CUL7: variants seen among roughly 807,000 people sequenced by gnomAD.
The protein encoded by CUL7 is cullin-7.
CUL7 carries 96 observed loss-of-function variants against 177.7 expected under a neutral mutation model. That is an observed-to-expected ratio of 0.54 (90% CI 0.46 to 0.64). The LOEUF is 0.64. CUL7 is among the 30% of genes least tolerant of loss of function. CUL7 has a pLI of 0.00. For synonymous variants in CUL7, 824 were observed against 890.2 expected (o/e 0.93, Z 1.32); for missense variants, 1,893 against 2,187.9 (o/e 0.87, Z 2.69).
At chr6:43,046,786 G>T in intron 10 of CUL7, 94 bp downstream of exon 10, 2 of 1,225,398 alleles carry the variant, frequency 1.6e-6, no homozygotes, top group Non-Finnish European at 2.4e-6. Flanking sequence ...GTCACCTGCT[G>T]TTCCCAGCCA....
At position 43,040,659 on chromosome 6, in the gene CUL7, G is replaced by A; in HGVS notation, c.3894C>T (p.Asn1298=). 1 of 1,614,232 alleles carries A rather than the reference G, an allele frequency of 6.2e-7. No individual in the cohort carries two copies. ...VLEQIGPCFP[N]RLPQQMLQSL... ...TCTGCAACATCTGCTGGGGGAGGCG[G>A]TTGGGGAAGCAGGGACCGATCTGCT... The change falls in exon 21 of 26, where the codon AAC becomes AAT. Residue 1298 remains asparagine, a synonymous_variant. Coordinates refer to ENST00000265348, the MANE Select transcript of CUL7 (RefSeq NM_014780.5). The surrounding 1 kb of genome is among the most constrained non-coding windows in gnomAD (Gnocchi z 4.2).
intron 15 of CUL7, 115 bp from the exon 16 acceptor site, chr6:43,045,000 G>A: frequency 2.0e-6 from 3 of 1,492,438 alleles, no homozygotes; most frequent in Non-Finnish European, 2.7e-6. Context: ...AGGCCCCCTG[G>A]TACTTCAGAA....
chr6:43,046,584 G>T lies in CUL7; in HGVS notation c.2415C>A (p.Ile805=). ...GTTGGTGGGTTCGTCTGTGGTCTTC[G>T]ATCTGGCCCAGCACCATCTGCAGCC... ...GGCIQMVLGQ[I]EDHRRTHQPI... The change falls in exon 11 of 26, where the codon ATC becomes ATA. Residue 805 remains isoleucine, a synonymous_variant. Coordinates refer to ENST00000265348, the MANE Select transcript of CUL7 (RefSeq NM_014780.5). The T allele has an allele frequency of 6.2e-7, 1 of 1,614,108 alleles. No homozygotes were observed. The highest frequency in any genetic ancestry group is 8.5e-7 in the Non-Finnish European group (1 of 1,180,006).
chr6:43,039,489 G>A (rs1178749228), intron 22 of CUL7, among the ~76,000 whole-genome samples: 2 of 151,966 alleles, frequency 1.3e-5, no homozygotes, highest in Non-Finnish European at 1.5e-5. Context: ...GTGGCCTCAG[G>A]TGCCTCCTGC....
In CUL7 at chr6:43,052,666, A is replaced by ACGGAT; in HGVS notation, c.118_122dup (p.Trp42SerfsTer75). On this transcript the variant is annotated frameshift_variant, in exon 2 of 26. Transcript: ENST00000265348. LOFTEE classifies it high-confidence loss of function. This position sits in a 1 kb window ranked among gnomAD's most constrained non-coding sequence, Gnocchi z 4.5. ...CATCGCCACGCCGCAGGATGAGCCA[A>ACGGAT]CGGATCTGGTACTCAGGATGCCCAT... is the stretch of plus-strand genomic sequence containing the variant. 6.2e-7 allele frequency: 1 copy of ACGGAT among 1,614,198 alleles called. No homozygotes were observed. Among genetic ancestry groups the ACGGAT allele is most frequent in the Non-Finnish European group, 8.5e-7 (1 of 1,180,050 alleles).
chr6:43,044,595 C>A (rs1763729122), intron 16 of CUL7, among the ~76,000 whole-genome samples, 157 bp downstream of exon 16: 1 of 152,116 alleles, frequency 6.6e-6, no homozygotes, highest in Non-Finnish European at 1.5e-5. Flanking sequence ...GGAAAGGGGG[C>A]AGCCCCTGGG....
intron 22 of CUL7, among the ~76,000 whole-genome samples, chr6:43,039,463 C>T (rs990339687): frequency 6.6e-6 from 1 of 152,144 alleles, no homozygotes; most frequent in African/African-American, 2.4e-5. Context: ...AAGAGCCAGA[C>T]ACCTACTCAT....
Position 43,053,134 on chromosome 6 carries a change from A to T in CUL7, c.-8-338T>A, listed in dbSNP as rs1764574161. On this transcript the variant is annotated intron_variant, in intron 1 of 25. Transcript: ENST00000265348. This position sits in a 1 kb window ranked among gnomAD's most constrained non-coding sequence, Gnocchi z 4.1. ...TCCCAAGGCCTTGGAACAGGCAGCAACCTATGGGGTATGTGAAGCCCAGAG... is the reference window on the plus strand; with the variant it reads ...TCCCAAGGCCTTGGAACAGGCAGCATCCTATGGGGTATGTGAAGCCCAGAG... 6.6e-6 allele frequency among the ~76,000 whole-genome samples: 1 copy of T among 152,136 alleles called. No homozygotes were observed. Among genetic ancestry groups the T allele is most frequent in the South Asian group, 2.1e-4 (1 of 4,826 alleles).
intron 19 of CUL7, 123 bp downstream of exon 19, chr6:43,042,679 A>G (rs1763548513): frequency 1.4e-6 from 1 of 697,466 alleles, no homozygotes; most frequent in Non-Finnish European, 2.5e-6. Flanking sequence ...TTCTTATAAC[A>G]TGGCTATATA....
Position 43,053,789 on chromosome 6 carries a change from C to A in CUL7, c.-176G>T. 6.5e-7 allele frequency: 1 copy of A among 1,531,834 alleles called. No homozygotes were observed. The allele number at this position is 1,531,834 out of a possible 1,614,324, so 94.9% of individuals were successfully genotyped here. On this transcript the variant is annotated 5_prime_UTR_variant, in exon 1 of 26. Transcript: ENST00000265348. This position sits in a 1 kb window ranked among gnomAD's most constrained non-coding sequence, Gnocchi z 4.1. ...GGAACAGAGCTGCACCCGCGTGAGT[C>A]GGCAGCCACTGGGGCAGGGTGGGGC...
chr6:43,040,296 G>A lies in CUL7; in HGVS notation c.4154C>T (p.Ala1385Val), dbSNP rs769832190. ...GACAAGCACAGACACTTCTGGCATT[G>A]CCCCTTCATAGTAGAGGTCCTCATT... is the stretch of plus-strand genomic sequence containing the variant. ...EENEDLYYEGAMPEVSVLVLS... is the reference protein window; with the variant it reads ...EENEDLYYEGVMPEVSVLVLS... The change falls in exon 22 of 26, where the codon GCA (alanine) becomes GTA (valine). Residue 1385 changes from alanine (A) to valine (V), a missense_variant. Coordinates refer to ENST00000265348, the MANE Select transcript of CUL7 (RefSeq NM_014780.5). This position sits in a 1 kb window ranked among gnomAD's most constrained non-coding sequence, Gnocchi z 4.2. The A allele has an allele frequency of 6.2e-7, 1 of 1,614,082 alleles. No homozygotes were observed. Among genetic ancestry groups the A allele is most frequent in the South Asian group, 1.1e-5 (1 of 91,084 alleles).
rs1337773125 is a variant in CUL7 at position 43,045,132 on chromosome 6, C to G, written c.3038+95G>C. The G allele has an allele frequency of 6.7e-7, 1 of 1,492,314 alleles. No individual in the cohort carries two copies. The highest frequency in any genetic ancestry group is 9.1e-7 in the Non-Finnish European group (1 of 1,095,088). 92.4% of individuals were successfully genotyped at this position (1,492,314 alleles called of 1,614,324 possible). On this transcript the variant is annotated intron_variant, in intron 15 of 25. Transcript: ENST00000265348. This position sits in a 1 kb window ranked among gnomAD's most constrained non-coding sequence, Gnocchi z 4.8. ...CCCCCTCCCCACGCATATTAAACCT[C>G]CATCTCACAGCTTCTATGGACCCCT...
At position 43,048,378 on chromosome 6, in the gene CUL7, G is replaced by C. The variant is rs201528661; in HGVS notation, c.2017C>G (p.Leu673Val). ...PQPFLALMQS[L>V]DTPETNRTLH... is the part of the protein sequence containing the mutation. ...GTCCTGTTAGTCTCCGGAGTGTCCA[G>C]GCTCTGCATCAGTGCCAGGAAGGGC... Residue 673 changes from leucine (L) to valine (V), a missense_variant, in exon 8 of 26, where the codon CTG (leucine) becomes GTG (valine). By Grantham distance (32) the Leu-to-Val change is conservative (BLOSUM62 1). Transcript: ENST00000265348. 6.2e-7 allele frequency: 1 copy of C among 1,613,968 alleles called. No individual in the cohort carries two copies.
intron 10 of CUL7, 119 bp downstream of exon 10, chr6:43,046,761 C>T (rs947687050): frequency 2.3e-6 from 3 of 1,282,374 alleles, no homozygotes; most frequent in African/African-American, 2.9e-5. Context: ...GAACAAATGC[C>T]CCAGGGTCAC....
Position 43,040,653 on chromosome 6 carries a change from G to C in CUL7, c.3900C>G (p.Leu1300=). 1.6e-5 allele frequency: 26 copies of C among 1,614,206 alleles called. No homozygotes were observed. Among genetic ancestry groups the C allele is most frequent in the Non-Finnish European group, 2.0e-5 (24 of 1,180,034 alleles). Residue 1300 remains leucine, a synonymous_variant, in exon 21 of 26, where the codon CTC becomes CTG. Coordinates refer to ENST00000265348, the MANE Select transcript of CUL7 (RefSeq NM_014780.5). This position sits in a 1 kb window ranked among gnomAD's most constrained non-coding sequence, Gnocchi z 4.2. ...TCAGGCTCTGCAACATCTGCTGGGGGAGGCGGTTGGGGAAGCAGGGACCGA... is the reference window on the plus strand; with the variant it reads ...TCAGGCTCTGCAACATCTGCTGGGGCAGGCGGTTGGGGAAGCAGGGACCGA... The part of the protein sequence containing the change: ...EQIGPCFPNR[L]PQQMLQSLST...
intron 19 of CUL7, among the ~76,000 whole-genome samples, chr6:43,041,661 G>T (rs1763422146): frequency 1.3e-5 from 2 of 151,326 alleles, no homozygotes; most frequent in East Asian, 3.9e-4. Flanking sequence ...AGGAAAAGAG[G>T]GGAGGGAAGG....
At position 43,052,256 on chromosome 6, in the gene CUL7, C is replaced by G; in HGVS notation, c.533G>C (p.Arg178Pro). 1.2e-6 allele frequency: 2 copies of G among 1,614,214 alleles called. No homozygotes were observed. The highest frequency in any genetic ancestry group is 1.6e-4 in the Middle Eastern group (1 of 6,062). ...HMLSSPDYQI[R>P]WSAGRMIQAL... ...TTGTATCATCCGGCCTGCACTCCAG[C>G]GAATCTGATAATCAGGACTACTCAA... The change falls in exon 2 of 26, where the codon CGC (arginine) becomes CCC (proline). Residue 178 changes from arginine (R) to proline (P), a missense_variant. By Grantham distance (103) the Arg-to-Pro change is moderately radical. Transcript: ENST00000265348. This position sits in a 1 kb window ranked among gnomAD's most constrained non-coding sequence, Gnocchi z 4.5.
Position 43,038,228 on chromosome 6 carries a change from A to G in CUL7, c.4773+39T>C, listed in dbSNP as rs748104549. 19 of 1,609,016 alleles carry G rather than the reference A, an allele frequency of 1.2e-5. No homozygotes were observed. In the South Asian group the frequency reaches 2.1e-4, roughly 18 times the overall value. On this transcript the variant is annotated intron_variant, in intron 25 of 25. Coordinates refer to ENST00000265348, the MANE Select transcript of CUL7 (RefSeq NM_014780.5). The stretch of plus-strand genomic sequence containing the variant: ...TCCTGTAGACTGCTCCCCCAACCCC[A>G]GCAAAGATCTGTCACCCATTGTGCC...
chr6:43,047,947 C>T (rs1383854222), intron 9 of CUL7: 3 of 595,170 alleles, frequency 5.0e-6, no homozygotes, highest in Non-Finnish European at 9.0e-6. Flanking sequence ...CAGTGTATAC[C>T]TTGTTAGAGC....
Sources: gnomAD v4.1 joint callset for allele counts (sites outside exome capture counted in the v4.1 genomes callset) on GRCh38, gnomAD v4.1.1 for gene constraint, Gnocchi (gnomAD v3.1) non-coding constraint, MANE v1.5 for transcripts, NCBI Gene and HGNC (gene_info 2026-07-23, HGNC 2026-07-21) for gene names.